The following FILIP1L variants were observed in gnomAD, a reference collection of about 807,000 sequenced individuals.
FILIP1L encodes the protein filamin A interacting protein 1 like, also known as filamin A-interacting protein 1-like.
Under a neutral mutation model 96.6 loss-of-function variants are expected in FILIP1L, and 55 were observed. The observed-to-expected ratio is 0.57, with a 90% confidence interval of 0.46 to 0.71. The LOEUF (loss-of-function observed/expected upper bound fraction) is 0.71, where lower values mean the gene tolerates loss of function less well. Ranked by LOEUF, FILIP1L falls within the 30% of genes least tolerant of loss-of-function variation. The pLI, the probability that FILIP1L is intolerant of heterozygous loss-of-function variation, is 0.00. For missense variants in FILIP1L, 1,304 were observed against 1,321.2 expected (o/e 0.99, Z 0.20); for synonymous variants, 467 against 473.9 (o/e 0.99, Z 0.19).
At chr3:100,084,070 C>T (rs190465999) in intron 1 of FILIP1L, among the ~76,000 whole-genome samples, 25 of 152,036 alleles carry the variant, frequency 1.6e-4, no homozygotes, top group East Asian at 9.6e-4. Flanking sequence ...TTTCTGCTAC[C>T]CCCATGCCAG....
intron 1 of FILIP1L, among the ~76,000 whole-genome samples, chr3:99,958,220 T>TTAG (rs1232159043): frequency 6.2e-5 from 9 of 145,848 alleles, no homozygotes; most frequent in Admixed American, 2.1e-4. Flanking sequence ...ATTATTATTA[T>TTAG]TATTATTATT....
At chr3:99,844,336 C>T (rs1271151596) in intron 5 of FILIP1L, among the ~76,000 whole-genome samples, 2 of 152,146 alleles carry the variant, frequency 1.3e-5, no homozygotes, top group Non-Finnish European at 2.9e-5. Context: ...GGATTTTACT[C>T]TGAGATACGC....
intron 1 of FILIP1L, among the ~76,000 whole-genome samples, chr3:100,042,954 T>C (rs2065228722): frequency 6.6e-6 from 1 of 152,224 alleles, no homozygotes; most frequent in Admixed American, 6.5e-5. Flanking sequence ...AAGTCCTACA[T>C]GTTTGTGGAA....
At chr3:99,978,886 CA>C (rs200216895) in intron 1 of FILIP1L, among the ~76,000 whole-genome samples, 56 of 140,814 alleles carry the variant, frequency 4.0e-4, no homozygotes, top group African/African-American at 1.3e-3. Flanking sequence ...CTCTTGTTTA[CA>C]AAAAAAAAAG....
At chr3:99,931,685 AG>A (rs1707488018) in intron 1 of FILIP1L, among the ~76,000 whole-genome samples, 1 of 152,218 alleles carries the variant, frequency 6.6e-6, no homozygotes. Flanking sequence ...GGGTAAGTCA[AG>A]GGCTTATATT....
intron 4 of FILIP1L, among the ~76,000 whole-genome samples, chr3:99,915,079 A>G (rs1451712986): frequency 6.6e-6 from 1 of 152,148 alleles, no homozygotes; most frequent in Non-Finnish European, 1.5e-5. Flanking sequence ...TGATAAGGGC[A>G]CCATATGCTC....
At chr3:100,096,893 C>T (rs1180796254) in intron 1 of FILIP1L, among the ~76,000 whole-genome samples, 4 of 152,028 alleles carry the variant, frequency 2.6e-5, no homozygotes, top group Non-Finnish European at 5.9e-5. Context: ...ATATATACAC[C>T]TACTATGTAC....
chr3:99,894,771 T>C (rs1044699367), intron 4 of FILIP1L, among the ~76,000 whole-genome samples: 9 of 152,144 alleles, frequency 5.9e-5, no homozygotes, highest in African/African-American at 1.9e-4. Flanking sequence ...GTAACTGTGA[T>C]AGTATGGTGA....
At chr3:100,103,605 G>C (rs1480004319) in intron 1 of FILIP1L, among the ~76,000 whole-genome samples, 1 of 152,108 alleles carries the variant, frequency 6.6e-6, no homozygotes, top group African/African-American at 2.4e-5. Flanking sequence ...AAGGAGGTGT[G>C]GGCAGTTAAG....
At chr3:99,976,096 G>A (rs1708962388) in intron 1 of FILIP1L, among the ~76,000 whole-genome samples, 1 of 151,998 alleles carries the variant, frequency 6.6e-6, no homozygotes, top group South Asian at 2.1e-4. Context: ...TGTTTTCCAG[G>A]CTGGTCTCGA....
At chr3:100,075,282 A>T (rs190427485) in intron 1 of FILIP1L, among the ~76,000 whole-genome samples, 60 of 152,332 alleles carry the variant, frequency 3.9e-4, no homozygotes, top group Non-Finnish European at 2.8e-4. Context: ...ACACAAGAGA[A>T]CAATCTAGAG....
chr3:100,098,395 T>G (rs1283874293), intron 1 of FILIP1L, among the ~76,000 whole-genome samples: 1 of 152,200 alleles, frequency 6.6e-6, no homozygotes, highest in Admixed American at 6.5e-5. Flanking sequence ...CAGGCTAAAC[T>G]TTCTCATCTG....
chr3:99,899,221 A>G (rs758121800), intron 4 of FILIP1L, among the ~76,000 whole-genome samples: 2 of 152,222 alleles, frequency 1.3e-5, no homozygotes, highest in African/African-American at 2.4e-5. Context: ...ATTTTGCATC[A>G]TATAAAGAGT....
At chr3:99,840,858 T>C (rs1291880386) in intron 5 of FILIP1L, among the ~76,000 whole-genome samples, 1 of 152,230 alleles carries the variant, frequency 6.6e-6, no homozygotes, top group Non-Finnish European at 1.5e-5. Flanking sequence ...CCTCCAGTGC[T>C]CCTTCCCCCA....
intron 5 of FILIP1L, among the ~76,000 whole-genome samples, chr3:99,834,784 T>C (rs983124700): frequency 6.6e-6 from 1 of 152,230 alleles, no homozygotes; most frequent in African/African-American, 2.4e-5. Context: ...GCACAAGCCG[T>C]GGAGCCAGTC....
intron 5 of FILIP1L, among the ~76,000 whole-genome samples, chr3:99,846,097 T>C (rs1038991367): frequency 1.3e-5 from 2 of 152,208 alleles, no homozygotes; most frequent in African/African-American, 4.8e-5. Flanking sequence ...ATAGCCCAAA[T>C]TTGGCTCCCA....
chr3:100,010,376 C>T (rs1710110005), intron 1 of FILIP1L, among the ~76,000 whole-genome samples: 1 of 151,932 alleles, frequency 6.6e-6, no homozygotes, highest in Admixed American at 6.6e-5. Flanking sequence ...TGTCAAAAAA[C>T]ACTTATTGAA....
chr3:99,966,491 T>C (rs889208035), intron 1 of FILIP1L, among the ~76,000 whole-genome samples: 1 of 152,200 alleles, frequency 6.6e-6, no homozygotes, highest in Non-Finnish European at 1.5e-5. Flanking sequence ...ATTGTTTTTG[T>C]GCAGAGCCCC....
At chr3:100,047,367 T>C (rs2065294356) in intron 1 of FILIP1L, among the ~76,000 whole-genome samples, 1 of 152,380 alleles carries the variant, frequency 6.6e-6, no homozygotes, top group African/African-American at 2.4e-5. Context: ...TTAAGCTTCA[T>C]GCATTTAAAA....
Sources: allele counts gnomAD v4.1 joint callset (sites outside exome capture counted in the v4.1 genomes callset), GRCh38; gene constraint gnomAD v4.1.1; transcripts MANE v1.5; gene names NCBI Gene and HGNC (gene_info 2026-07-23, HGNC 2026-07-21).